The following TENM2 variants were observed in gnomAD, a reference collection of about 807,000 sequenced individuals.
TENM2 encodes teneurin-2.
Under a neutral mutation model 245.2 loss-of-function variants are expected in TENM2, and 52 were observed. That is an observed-to-expected ratio of 0.21 (90% CI 0.17 to 0.27). The LOEUF (loss-of-function observed/expected upper bound fraction) is 0.27. TENM2 is among the 10% of genes least tolerant of loss of function. TENM2 has a pLI of 1.00. For synonymous variants in TENM2, 1,363 were observed against 1,438.9 expected, an observed-to-expected ratio of 0.95 and a Z score of 1.19; for missense variants, 3,046 against 3,666.8, an observed-to-expected ratio of 0.83 and a Z score of 4.37.
the TENM2 span, among the ~76,000 whole-genome samples, chr5:167,222,299 T>G: frequency 2.4e-4 from 36 of 152,210 alleles, no homozygotes; most frequent in African/African-American, 8.2e-4. Context: ...GAATACAACC[T>G]TAAACTTTTT....
At chr5:167,286,538 C>T (rs749826630) in intron 1 of TENM2, among the ~76,000 whole-genome samples, 9 of 152,184 alleles carry the variant, frequency 5.9e-5, no homozygotes, top group Non-Finnish European at 1.2e-4. Context: ...AATTGGGACA[C>T]CTCTCTGTTG....
intron 2 of TENM2, among the ~76,000 whole-genome samples, chr5:167,412,686 T>A (rs182028427): frequency 2.0e-5 from 3 of 152,188 alleles, no homozygotes; most frequent in Non-Finnish European, 4.4e-5. Flanking sequence ...TATTTCCCAA[T>A]GGTTTGAAAA....
At chr5:168,207,155 G>C (rs761487925) in intron 19 of TENM2, among the ~76,000 whole-genome samples, 21 of 152,176 alleles carry the variant, frequency 1.4e-4, no homozygotes, top group Non-Finnish European at 2.5e-4. Flanking sequence ...CTCCATGTAA[G>C]TCTTTAGGGC....
chr5:167,723,996 A>G (rs1378218256), intron 2 of TENM2, among the ~76,000 whole-genome samples: 1 of 152,216 alleles, frequency 6.6e-6, no homozygotes, highest in Non-Finnish European at 1.5e-5. Context: ...AGCCCTTCTG[A>G]CTTTCTGTGC....
At chr5:168,005,431 C>G (rs891867811) in intron 5 of TENM2, among the ~76,000 whole-genome samples, 11 of 152,194 alleles carry the variant, frequency 7.2e-5, no homozygotes, top group Non-Finnish European at 1.5e-4. Flanking sequence ...TGCCCACGCC[C>G]TTTGTAATTC....
intron 2 of TENM2, among the ~76,000 whole-genome samples, chr5:167,674,648 A>G (rs377449822): frequency 2.6e-5 from 4 of 152,228 alleles, no homozygotes; most frequent in African/African-American, 9.6e-5. Flanking sequence ...CTCACCTGTC[A>G]AGTGGGGGCA....
chr5:167,797,012 CACTCTCCAGTTTGTT>C (rs1765372893), intron 2 of TENM2, among the ~76,000 whole-genome samples: 1 of 152,052 alleles, frequency 6.6e-6, no homozygotes. Context: ...AACATGGATC[CACTCTCCAGTTTGTT>C]ACAATCCCCT....
chr5:168,033,977 A>C (rs1787373059), intron 5 of TENM2, among the ~76,000 whole-genome samples: 1 of 151,554 alleles, frequency 6.6e-6, no homozygotes, highest in Non-Finnish European at 1.5e-5. Context: ...CAGTGAGCCA[A>C]GATCGCCCCA....
intron 2 of TENM2, among the ~76,000 whole-genome samples, chr5:167,620,119 C>A (rs879099919): frequency 1.3e-5 from 2 of 151,988 alleles, no homozygotes; most frequent in Non-Finnish European, 2.9e-5. Flanking sequence ...AATAGTCGGC[C>A]GTGTGGTTAG....
intron 1 of TENM2, among the ~76,000 whole-genome samples, chr5:167,342,797 G>A (rs1758198751): frequency 1.3e-5 from 2 of 151,290 alleles, no homozygotes; most frequent in South Asian, 2.1e-4. Context: ...AAAGTGCTGG[G>A]ATTACAGGCG....
chr5:168,119,144 C>A (rs1343687228), intron 10 of TENM2, among the ~76,000 whole-genome samples: 2 of 152,164 alleles, frequency 1.3e-5, no homozygotes, highest in Non-Finnish European at 2.9e-5. Context: ...TGGTTACTTA[C>A]AATTGCACAA....
At chr5:167,833,713 T>C (rs906932754) in intron 2 of TENM2, among the ~76,000 whole-genome samples, 5 of 152,212 alleles carry the variant, frequency 3.3e-5, no homozygotes, top group African/African-American at 9.6e-5. Flanking sequence ...AGCCAGTCTG[T>C]CACTAACTGA....
At chr5:167,512,887 A>G (rs1438683670) in intron 2 of TENM2, among the ~76,000 whole-genome samples, 1 of 152,168 alleles carries the variant, frequency 6.6e-6, no homozygotes, top group African/African-American at 2.4e-5. Flanking sequence ...CTTTCTTTGA[A>G]GCAGGGATGA....
intron 25 of TENM2, among the ~76,000 whole-genome samples, chr5:168,241,523 A>T (rs1164046626): frequency 6.6e-6 from 1 of 151,810 alleles, no homozygotes; most frequent in Non-Finnish European, 1.5e-5. Flanking sequence ...CAGCCCCCTA[A>T]AATGTTGAAA....
chr5:167,687,848 A>G (rs189254491), intron 2 of TENM2, among the ~76,000 whole-genome samples: 48 of 152,338 alleles, frequency 3.2e-4, no homozygotes, highest in Admixed American at 2.5e-3. Context: ...AAGCCAAGAA[A>G]AAAAAGCACT....
the TENM2 span, among the ~76,000 whole-genome samples, chr5:166,986,614 G>A: frequency 6.6e-6 from 1 of 152,056 alleles, no homozygotes; most frequent in Non-Finnish European, 1.5e-5. Flanking sequence ...AAGTATATAT[G>A]AACTTCAGGG....
At chr5:168,258,922 C>T (rs1318227905) in intron 27 of TENM2, among the ~76,000 whole-genome samples, 3 of 151,974 alleles carry the variant, frequency 2.0e-5, no homozygotes, top group East Asian at 3.9e-4. Context: ...GTGGCTCATA[C>T]CTGTAATCCT....
chr5:167,072,149 T>G, the TENM2 span, among the ~76,000 whole-genome samples: 2 of 152,130 alleles, frequency 1.3e-5, no homozygotes, highest in Non-Finnish European at 2.9e-5. Context: ...CACACTGCCT[T>G]GGACAGGCCA....
At position 167,770,590 on chromosome 5, in the gene TENM2, G is replaced by A. The variant is rs539719470; in HGVS notation, c.503-105396G>A. Among the ~76,000 whole-genome samples the A allele has an allele frequency of 3.3e-5, 5 of 152,178 alleles. No individual in the cohort carries two copies. In the South Asian group the frequency reaches 8.3e-4, roughly 25 times the overall value. On this transcript the variant is annotated intron_variant, in intron 2 of 28. Transcript: ENST00000518659. ...AGATGTGGGATTTGAACCAGAACTT[G>A]CTCTTGTAACCACCACGTTGCACTT...
Sources: gnomAD v4.1 joint callset for allele counts (sites outside exome capture counted in the v4.1 genomes callset) on GRCh38, gnomAD v4.1.1 for gene constraint, MANE v1.5 for transcripts, NCBI Gene and HGNC (gene_info 2026-07-23, HGNC 2026-07-21) for gene names.